The following PNPLA7 variants were observed in gnomAD, a reference collection of about 807,000 sequenced individuals.
PNPLA7 encodes the protein patatin like domain 7, lysophospholipase, also known as patatin-like phospholipase domain-containing protein 7.
Under a neutral mutation model 161.7 loss-of-function variants are expected in PNPLA7, and 153 were observed. The observed-to-expected ratio is 0.95, with a 90% CI of 0.83 to 1.08. The LOEUF (loss-of-function observed/expected upper bound fraction) is 1.08. PNPLA7 is among the 50% of genes least tolerant of loss of function. The pLI, the probability that PNPLA7 is intolerant of heterozygous loss-of-function variation, is 0.00. For missense variants in PNPLA7, 1,739 were observed against 1,856.6 expected (o/e 0.94, Z 1.16); for synonymous variants, 809 against 782.1 (o/e 1.03, Z -0.57).
intron 25 of PNPLA7, among the ~76,000 whole-genome samples, chr9:137,471,617 A>C (rs1356206150): frequency 2.0e-5 from 3 of 150,432 alleles, no homozygotes; most frequent in Non-Finnish European, 3.0e-5. Context: ...AAAAAAAGAT[A>C]CCATTTATAA....
intron 14 of PNPLA7, among the ~76,000 whole-genome samples, chr9:137,502,186 C>T (rs1204250250): frequency 6.6e-6 from 1 of 152,142 alleles, no homozygotes; most frequent in East Asian, 1.9e-4. Flanking sequence ...CACTGGAACC[C>T]AGAAGGCAGA....
intron 23 of PNPLA7, 114 bp downstream of exon 23, chr9:137,480,198 T>C (rs1055858355): frequency 7.2e-7 from 1 of 1,382,204 alleles, no homozygotes; most frequent in Non-Finnish European, 9.9e-7. Context: ...GAGTGTTGGC[T>C]CTTATCATCT....
At chr9:137,504,212 A>T (rs1490614731) in intron 14 of PNPLA7, among the ~76,000 whole-genome samples, 1 of 145,660 alleles carries the variant, frequency 6.9e-6, no homozygotes, top group Non-Finnish European at 1.5e-5. Context: ...AAGAAGAGAG[A>T]TTTTTTTTTT....
intron 23 of PNPLA7, chr9:137,479,740 A>G: frequency 3.0e-6 from 3 of 985,434 alleles, no homozygotes; most frequent in Non-Finnish European, 3.6e-6. Flanking sequence ...CATGAGCCCG[A>G]GGCCTCGCCT....
intron 1 of PNPLA7, among the ~76,000 whole-genome samples, chr9:137,548,747 C>CA (rs1564376752): frequency 6.6e-6 from 1 of 151,524 alleles, no homozygotes; most frequent in Non-Finnish European, 1.5e-5. Flanking sequence ...GACTCCATCT[C>CA]AAAAAAAAGA....
intron 21 of PNPLA7, among the ~76,000 whole-genome samples, chr9:137,482,071 T>G (rs868195591): frequency 1.3e-5 from 2 of 152,246 alleles, no homozygotes; most frequent in East Asian, 3.8e-4. Context: ...GAGACAGCTC[T>G]GAGCTGAAAA....
rs757091770 is a variant in PNPLA7, at chr9:137,543,433, G to C, written c.505C>G (p.Arg169Gly). The C allele has an allele frequency of 1.9e-6, 3 of 1,614,016 alleles. No homozygotes were observed. Among genetic ancestry groups the C allele is most frequent in the South Asian group, 2.2e-5 (2 of 91,066 alleles). ...CCCGGGGCTCATCCCCGCTCTTACC[G>C]AACGTTTTTCAGCATGTACAGAACT... ...SEVLYMLKNVRVLGHFEKPLF... is the reference protein window; with the variant it reads ...SEVLYMLKNVGVLGHFEKPLF... Residue 169 changes from arginine to glycine, a missense_variant and splice_region_variant, in exon 6 of 35, where the codon CGG (arginine) becomes GGG (glycine). This residue lies in a region of PNPLA7 where 209 missense variants were observed against 252.8 expected (regional missense o/e 0.83). Transcript: ENST00000406427. The surrounding 1 kb of genome is among the most constrained non-coding windows in gnomAD (Gnocchi z 6.9).
intron 8 of PNPLA7, among the ~76,000 whole-genome samples, chr9:137,538,841 C>T (rs1187414509): frequency 1.3e-5 from 2 of 152,074 alleles, no homozygotes; most frequent in African/African-American, 4.8e-5. Context: ...CACTTGAGGT[C>T]AGGGGTTCAA....
At chr9:137,479,497 C>T (rs890042074) in intron 23 of PNPLA7, 1 of 1,200,546 alleles carries the variant, frequency 8.3e-7, no homozygotes, top group East Asian at 3.5e-5. Flanking sequence ...TCTAACACTG[C>T]CTCATAAACA....
At position 137,516,506 on chromosome 9, in the gene PNPLA7, A is replaced by T. The variant is rs951260564; in HGVS notation, c.1085-987T>A. On this transcript the variant is annotated intron_variant, in intron 11 of 34. Transcript: ENST00000406427. ...AGAAATGCCATTCAGGCAATGACAC[A>T]TACTCTAAAATACACTTTGAGGCCA... 2.2e-5 allele frequency: 22 copies of T among 985,358 alleles called. No individual in the cohort carries two copies. The African/African-American group carries it at 3.0e-4, about 13-fold the overall frequency. 61.0% of individuals were successfully genotyped at this position (985,358 alleles called of 1,614,324 possible). A position where few individuals can be genotyped will look rare whatever the true frequency, so the allele number is the denominator to read the frequency against.
intron 20 of PNPLA7, among the ~76,000 whole-genome samples, chr9:137,491,257 C>T (rs1044382033): frequency 2.6e-5 from 4 of 152,004 alleles, no homozygotes; most frequent in East Asian, 1.9e-4. Context: ...GACAAAATAG[C>T]GAGACCCCAT....
chr9:137,462,314 C>G lies in PNPLA7; in HGVS notation c.3510G>C (p.Glu1170Asp), dbSNP rs565220830. Reference sequence around the variant, plus strand: ...ACACGTAGGCCAGGCGCGTCTGAATCTCTGCCATGTTCAACACCTGCTGCC... The same window carrying G: ...ACACGTAGGCCAGGCGCGTCTGAATGTCTGCCATGTTCAACACCTGCTGCC... ...ATKVKVLNMAEIQTRLAYVCC... is the reference protein window; with the variant it reads ...ATKVKVLNMADIQTRLAYVCC... The change falls in exon 31 of 35, where the codon GAG becomes GAC. Residue 1170 changes from glutamate (E) to aspartate (D), a missense_variant. By Grantham distance (45) the Glu-to-Asp change is conservative. Transcript: ENST00000406427. The G allele has an allele frequency of 6.2e-7, 1 of 1,607,160 alleles. No homozygotes were observed. Among genetic ancestry groups the G allele is most frequent in the South Asian group, 1.1e-5 (1 of 90,330 alleles).
intron 18 of PNPLA7, among the ~76,000 whole-genome samples, chr9:137,496,959 C>G (rs1483924536): frequency 6.6e-6 from 1 of 152,214 alleles, no homozygotes; most frequent in Non-Finnish European, 1.5e-5. Context: ...CTGGGAGTCC[C>G]CCACAGAGGC....
chr9:137,500,307 GA>G lies in PNPLA7; in HGVS notation c.1757+383del, dbSNP rs1350582551. Among the ~76,000 whole-genome samples the G allele has an allele frequency of 7.3e-3, 1,113 of 152,362 alleles. 8 individuals carry two copies. Among genetic ancestry groups the G allele is most frequent in the African/African-American group, 0.026 (1,065 of 41,580 alleles). The stretch of plus-strand genomic sequence containing the variant: ...TCCCGACACGTCAGCCCAGGCTGCA[GA>G]GGTGGGACGGCTCACGGCCCCTGAA... On this transcript the variant is annotated intron_variant, in intron 16 of 34. Coordinates refer to ENST00000406427, the MANE Select transcript of PNPLA7 (RefSeq NM_001098537.3). This position sits in a 1 kb window ranked among gnomAD's most constrained non-coding sequence, Gnocchi z 5.5.
intron 4 of PNPLA7, among the ~76,000 whole-genome samples, chr9:137,544,745 G>GCTCAAACAATTCTCCTGC (rs1276238865): frequency 6.6e-6 from 1 of 152,028 alleles, no homozygotes; most frequent in Non-Finnish European, 1.5e-5. Context: ...CTGGGTCCTG[G>GCTCAAACAATTCTCCTGC]CTCAAACAAT....
chr9:137,500,731 C>A lies in PNPLA7; in HGVS notation c.1717G>T (p.Asp573Tyr). ...PLIFTVKANR[D>Y]CSFLSISKAH... ...TTGGAGATGGACAGGAAGCTGCAGT[C>A]CCTGTTGGCCTTGACGGTGAAGATG... is the stretch of plus-strand genomic sequence containing the variant. Residue 573 changes from aspartate to tyrosine, a missense_variant, in exon 16 of 35, where the codon GAC (aspartate) becomes TAC (tyrosine). Physicochemically the swap from Asp to Tyr is radical, Grantham distance 160 (BLOSUM62 -3). Around this residue, in one of 6 missense-constraint regions of PNPLA7, gnomAD observed 481 missense variants for 450.0 expected, o/e 1.07. Coordinates refer to ENST00000406427, the MANE Select transcript of PNPLA7 (RefSeq NM_001098537.3). The surrounding 1 kb of genome is among the most constrained non-coding windows in gnomAD (Gnocchi z 5.5). The A allele has an allele frequency of 1.2e-6, 2 of 1,612,532 alleles. No homozygotes were observed. The highest frequency in any genetic ancestry group is 1.7e-6 in the Non-Finnish European group (2 of 1,179,884).
At position 137,460,321 on chromosome 9, in the gene PNPLA7, A is replaced by T; in HGVS notation, c.*72T>A. ...CAGGGCAGGTACAGAGGCCCCTAGG[A>T]CTTGGCAGGAGCCTCAGCCTTGGGG... is the stretch of plus-strand genomic sequence containing the variant. On this transcript the variant is annotated 3_prime_UTR_variant, in exon 35 of 35. Coordinates refer to ENST00000406427, the MANE Select transcript of PNPLA7 (RefSeq NM_001098537.3). 1 of 1,474,948 alleles carries T rather than the reference A, an allele frequency of 6.8e-7. No homozygotes were observed. The highest frequency in any genetic ancestry group is 9.3e-7 in the Non-Finnish European group (1 of 1,077,742). The allele number at this position is 1,474,948 out of a possible 1,614,324, so 91.4% of individuals were successfully genotyped here. A position where few individuals can be genotyped will look rare whatever the true frequency, so the allele number is the denominator to read the frequency against.
intron 14 of PNPLA7, among the ~76,000 whole-genome samples, chr9:137,503,810 A>G (rs1403588900): frequency 0.016 from 20 of 1,278 alleles, 2 homozygotes; most frequent in South Asian, 0.11. Context: ...AGGAAGAAGG[A>G]AGAAGATGAA....
At position 137,500,811 on chromosome 9, in the gene PNPLA7, AG is replaced by A. The variant is rs760920365; in HGVS notation, c.1636del (p.Leu546SerfsTer58). On this transcript the variant is annotated frameshift_variant, in exon 16 of 35. Coordinates refer to ENST00000406427, the MANE Select transcript of PNPLA7 (RefSeq NM_001098537.3). LOFTEE classifies it high-confidence loss of function. The surrounding 1 kb of genome is among the most constrained non-coding windows in gnomAD (Gnocchi z 5.5). ...IGSQEDTCLF[L>X]TRPGEMVGQL... ...GCCCACCATCTCCCCGGGGCGCGTG[AG>A]GAACAAGCAGGTGTCCTCCTGGCTG... is the stretch of plus-strand genomic sequence containing the variant. 24 of 1,607,392 alleles carry A rather than the reference AG, an allele frequency of 1.5e-5. No homozygotes were observed. The highest frequency in any genetic ancestry group is 2.0e-5 in the Non-Finnish European group (24 of 1,178,122).
Sources: gnomAD v4.1 joint callset for allele counts (sites outside exome capture counted in the v4.1 genomes callset) on GRCh38, gnomAD v4.1.1 for gene constraint, gnomAD v4.1.1 regional missense constraint, Gnocchi (gnomAD v3.1) non-coding constraint, MANE v1.5 for transcripts, NCBI Gene and HGNC (gene_info 2026-07-23, HGNC 2026-07-21) for gene names.